Variants in OPRM1 observed in about 807,000 individuals in gnomAD.
The protein encoded by OPRM1 is opioid receptor mu 1.
Under a neutral mutation model 31.8 loss-of-function variants are expected in OPRM1, and 27 were observed. That is an observed-to-expected ratio of 0.85 (90% CI 0.63 to 1.17). The LOEUF (loss-of-function observed/expected upper bound fraction) is 1.17. Ranked by LOEUF, OPRM1 falls within the 50% of genes most tolerant of loss-of-function variation. OPRM1 has a pLI of 0.00. For missense variants in OPRM1, 536 were observed against 511.1 expected (o/e 1.05, Z -0.47); for synonymous variants, 196 against 189.9 (o/e 1.03, Z -0.26).
chr6:154,151,560 CT>C (rs1473291023), intron 3 of OPRM1, among the ~76,000 whole-genome samples: 1 of 152,080 alleles, frequency 6.6e-6, no homozygotes, highest in Non-Finnish European at 1.5e-5. Flanking sequence ...ACGGTATTTG[CT>C]GCAAAAACTC....
At chr6:154,199,116 G>A (rs543185855) in intron 3 of OPRM1, among the ~76,000 whole-genome samples, 3 of 152,248 alleles carry the variant, frequency 2.0e-5, no homozygotes, top group East Asian at 1.9e-4. Context: ...TTTTCTGAAC[G>A]CATGAGTTGT....
rs184765816 is a variant in OPRM1 at position 154,169,896 on chromosome 6, T to C, written c.1165-76797T>C. 3.9e-5 allele frequency among the ~76,000 whole-genome samples: 6 copies of C among 152,342 alleles called. No homozygotes were observed. In the East Asian group the frequency reaches 1.2e-3, roughly 29 times the overall value. ...TATCAGATAAGTAATCTCTCTTTTT[T>C]CTTAAGCTGAATGTTGTGATAGTGT... On this transcript the variant is annotated intron_variant, in intron 3 of 3. Coordinates refer to the OPRM1 transcript ENST00000337049.
chr6:154,019,312 T>TCACA (rs146861614), intron 1 of OPRM1, among the ~76,000 whole-genome samples: 9,453 of 147,888 alleles, frequency 0.064, 412 homozygotes, highest in African/African-American at 0.12. Flanking sequence ...CATTGCTCCC[T>TCACA]CACACACACA....
At chr6:154,091,883 T>C (rs1474422070) in intron 3 of OPRM1, 1 of 991,978 alleles carries the variant, frequency 1.0e-6, no homozygotes, top group South Asian at 4.6e-5. Flanking sequence ...TCTGGTTCTG[T>C]GATTAAAGAG....
chr6:154,072,952 C>A (rs1787112130), intron 1 of OPRM1, among the ~76,000 whole-genome samples: 1 of 152,104 alleles, frequency 6.6e-6, no homozygotes, highest in African/African-American at 2.4e-5. Flanking sequence ...CCTTGGGAAG[C>A]TGAATCTCAA....
intron 3 of OPRM1, among the ~76,000 whole-genome samples, chr6:154,240,685 A>G (rs1780507859): frequency 6.6e-6 from 1 of 152,250 alleles, no homozygotes; most frequent in South Asian, 2.1e-4. Context: ...ACTGATTTCA[A>G]GAAATATGCC....
intron 3 of OPRM1, among the ~76,000 whole-genome samples, chr6:154,103,500 C>A (rs180813436): frequency 6.6e-6 from 1 of 152,230 alleles, no homozygotes; most frequent in Admixed American, 6.5e-5. Context: ...TTACTAATTT[C>A]TGTAATACTA....
At chr6:154,185,670 CG>C in intron 3 of OPRM1, among the ~76,000 whole-genome samples, 1 of 151,976 alleles carries the variant, frequency 6.6e-6, no homozygotes, top group East Asian at 1.9e-4. Context: ...ACTTTTAATC[CG>C]GGGGTGTCCA....
intron 3 of OPRM1, among the ~76,000 whole-genome samples, chr6:154,180,122 A>C (rs1800705847): frequency 6.6e-6 from 1 of 152,168 alleles, no homozygotes; most frequent in African/African-American, 2.4e-5. Flanking sequence ...CTGAAAAACC[A>C]AAACAAGAGA....
At position 154,225,835 on chromosome 6, in the gene OPRM1, A is replaced by G. The variant is rs1445936391; in HGVS notation, c.1165-20858A>G. Among the ~76,000 whole-genome samples the G allele has an allele frequency of 1.4e-4, 22 of 152,222 alleles. 1 individual carries two copies. Among genetic ancestry groups the G allele is most frequent in the Admixed American group, 1.4e-3 (22 of 15,276 alleles). Reference sequence around the variant, plus strand: ...AATTGAAACATCACTTAGACTCAGCATTTGTTTCTACTTCCTCCTCCCATT... The same window carrying G: ...AATTGAAACATCACTTAGACTCAGCGTTTGTTTCTACTTCCTCCTCCCATT... On this transcript the variant is annotated intron_variant, in intron 3 of 3. Coordinates refer to the OPRM1 transcript ENST00000337049.
chr6:154,097,424 G>A (rs1793581701), intron 3 of OPRM1, among the ~76,000 whole-genome samples: 1 of 152,050 alleles, frequency 6.6e-6, no homozygotes, highest in Non-Finnish European at 1.5e-5. Flanking sequence ...GACATCTGTG[G>A]AGAGTTAATT....
At chr6:154,229,976 A>G (rs2128625277) in intron 3 of OPRM1, among the ~76,000 whole-genome samples, 1 of 152,308 alleles carries the variant, frequency 6.6e-6, no homozygotes, top group African/African-American at 2.4e-5. Context: ...ATCAGTTATG[A>G]CTGTGTGATT....
chr6:154,021,006 TTTGGTG>T (rs1388682068), intron 1 of OPRM1, among the ~76,000 whole-genome samples: 1 of 152,246 alleles, frequency 6.6e-6, no homozygotes, highest in Non-Finnish European at 1.5e-5. Context: ...CAATCATGCC[TTTGGTG>T]TTGGATCTAA....
At chr6:154,219,562 G>A (rs1050186003) in intron 3 of OPRM1, among the ~76,000 whole-genome samples, 8 of 152,028 alleles carry the variant, frequency 5.3e-5, no homozygotes, top group African/African-American at 1.7e-4. Flanking sequence ...GCTAGCGGGC[G>A]AGACCTTGTG....
At chr6:154,102,574 A>G (rs1003795241) in intron 3 of OPRM1, among the ~76,000 whole-genome samples, 1 of 152,186 alleles carries the variant, frequency 6.6e-6, no homozygotes, top group Non-Finnish European at 1.5e-5. Context: ...CCTTGGCGCT[A>G]GTGACATTGT....
chr6:154,183,911 A>C (rs748466496), intron 3 of OPRM1, among the ~76,000 whole-genome samples: 1 of 152,110 alleles, frequency 6.6e-6, no homozygotes, highest in Non-Finnish European at 1.5e-5. Flanking sequence ...AACAAAAAAA[A>C]CAAAAAACAA....
intron 3 of OPRM1, among the ~76,000 whole-genome samples, chr6:154,229,018 G>A (rs1779492210): frequency 1.3e-5 from 2 of 152,306 alleles, no homozygotes; most frequent in East Asian, 1.9e-4. Flanking sequence ...TTCAACTTAG[G>A]TGTGACCATT....
At position 154,161,759 on chromosome 6, in the gene OPRM1, C is replaced by T. The variant is rs148481668; in HGVS notation, c.1164+70287C>T. Among the ~76,000 whole-genome samples, 276 of 152,258 alleles carry T rather than the reference C, an allele frequency of 1.8e-3. 2 individuals carry two copies. The highest frequency in any genetic ancestry group is 6.2e-3 in the African/African-American group (258 of 41,560). The stretch of plus-strand genomic sequence containing the variant: ...TCATCCCTGTATTCCCTGCACCTAA[C>T]GCAATGCCAAGTGCCATGTAGACAT... On this transcript the variant is annotated intron_variant, in intron 3 of 3. Transcript: ENST00000337049.
intron 1 of OPRM1, among the ~76,000 whole-genome samples, chr6:154,086,088 T>C (rs1338552938): frequency 6.6e-6 from 1 of 152,142 alleles, no homozygotes; most frequent in Non-Finnish European, 1.5e-5. Context: ...TCCATTCACC[T>C]CAGCCTCCCA....
Sources: allele counts gnomAD v4.1 joint callset (sites outside exome capture counted in the v4.1 genomes callset), GRCh38; gene constraint gnomAD v4.1.1; transcripts MANE v1.5; gene names NCBI Gene and HGNC (gene_info 2026-07-23, HGNC 2026-07-21).